DST: variants seen among roughly 807,000 people sequenced by gnomAD.
The protein encoded by DST is dystonin.
Under a neutral mutation model 875.2 loss-of-function variants are expected in DST, and 253 were observed. The observed-to-expected ratio is 0.29, with a 90% CI of 0.26 to 0.32. DST has a LOEUF of 0.32. Ranked by LOEUF, DST falls within the 10% of genes least tolerant of loss-of-function variation. The pLI, the probability that DST is intolerant of heterozygous loss-of-function variation, is 1.00. For synonymous variants in DST, 3,124 were observed against 3,197.1 expected (o/e 0.98, Z 0.77); for missense variants, 8,287 against 9,111.6 (o/e 0.91, Z 3.68).
chr6:56,500,470 T>C (rs1228188251), intron 80 of DST, among the ~76,000 whole-genome samples: 2 of 152,068 alleles, frequency 1.3e-5, no homozygotes, highest in East Asian at 3.9e-4. Context: ...GCAGGACATA[T>C]AACAACTTTT....
chr6:56,703,625 C>A, intron 7 of DST, 23 bp downstream of exon 7: 2 of 943,750 alleles, frequency 2.1e-6, no homozygotes, highest in South Asian at 9.8e-5. Flanking sequence ...CTAGGTTAGT[C>A]AAGTTATGGG....
chr6:56,818,357 G>A (rs112903247), intron 4 of DST, among the ~76,000 whole-genome samples: 2,703 of 152,256 alleles, frequency 0.018, 63 homozygotes, highest in African/African-American at 0.061. Context: ...GCCTCCTGGA[G>A]GCTCAGCAAA....
intron 47 of DST, among the ~76,000 whole-genome samples, chr6:56,596,660 C>T (rs1365348087): frequency 6.6e-6 from 1 of 152,100 alleles, no homozygotes; most frequent in African/African-American, 2.4e-5. Context: ...CTATAAGAAC[C>T]TCACAGGGAG....
chr6:56,845,614 C>T (rs1022294684), intron 4 of DST, among the ~76,000 whole-genome samples: 26 of 152,178 alleles, frequency 1.7e-4, no homozygotes, highest in Non-Finnish European at 3.8e-4. Context: ...TATGGGACAC[C>T]TTCTTGAAAT....
rs561146628 is a variant in DST, at chr6:56,825,411, T to C, written c.625+25986A>G. ...AGGAAAACCAGAGACCTTTGTTCAC[T>C]TGTTTATCTGCTGACCTTCCCTCCA... On this transcript the variant is annotated intron_variant, in intron 4 of 103. Transcript: ENST00000680361. Among the ~76,000 whole-genome samples, 4 of 150,572 alleles carry C rather than the reference T, an allele frequency of 2.7e-5. No individual in the cohort carries two copies. The South Asian group carries it at 8.5e-4, about 32-fold the overall frequency.
intron 55 of DST, among the ~76,000 whole-genome samples, chr6:56,564,993 C>T (rs77920812): frequency 6.6e-6 from 1 of 151,976 alleles, no homozygotes; most frequent in East Asian, 1.9e-4. Context: ...ATTTTTGCAT[C>T]GATGTTCATC....
chr6:56,622,850 C>A (rs552692646), intron 36 of DST, among the ~76,000 whole-genome samples: 1 of 152,148 alleles, frequency 6.6e-6, no homozygotes, highest in Non-Finnish European at 1.5e-5. Context: ...AGTAACATTT[C>A]TTTTAACTAA....
rs1304045587 is a variant in DST, at chr6:56,901,595, AAAAAT to A, written c.217-979_217-975del. Among the ~76,000 whole-genome samples, 98 of 152,224 alleles carry A rather than the reference AAAAAT, an allele frequency of 6.4e-4. 3 individuals are homozygous for A. Among genetic ancestry groups the A allele is most frequent in the Admixed American group, 4.1e-3 (62 of 15,298 alleles). ...AGGTGACAGAGTGAGACTCCATCTA[AAAAAT>A]AAAATAAAATAAGATAAAAAATATA... On this transcript the variant is annotated intron_variant, in intron 2 of 103. Transcript: ENST00000680361.
intron 4 of DST, among the ~76,000 whole-genome samples, chr6:56,831,788 GA>G (rs2099787383): frequency 6.6e-6 from 1 of 151,724 alleles, no homozygotes; most frequent in South Asian, 2.1e-4. Context: ...TTTTTCCAGG[GA>G]AAGACTGAGT....
At position 56,880,837 on chromosome 6, in the gene DST, CTTTTTTTTTTTTTTTT is replaced by C. The variant is rs765843469; in HGVS notation, c.417+19568_417+19583del. On this transcript the variant is annotated intron_variant, in intron 3 of 103. Transcript: ENST00000680361. ...CCTAGTAATATAAAATACTGTCTTT[CTTTTTTTTTTTTTTTT>C]TTTTTTTTTTTTGAGACAGAGTCTT... is the stretch of plus-strand genomic sequence containing the variant. 7.9e-3 allele frequency among the ~76,000 whole-genome samples: 459 copies of C among 58,180 alleles called. 2 individuals carry two copies. The highest frequency in any genetic ancestry group is 0.01 in the Non-Finnish European group (359 of 35,296). The allele number at this position is 58,180 out of a possible 152,430, so 38.2% of individuals were successfully genotyped here. A position where few individuals can be genotyped will look rare whatever the true frequency, so the allele number is the denominator to read the frequency against.
At chr6:56,871,075 C>T in intron 3 of DST, 1 of 496,574 alleles carries the variant, frequency 2.0e-6, no homozygotes. Flanking sequence ...AATGGACAGA[C>T]ATTTTGCAGA....
At position 56,646,095 on chromosome 6, in the gene DST, A is replaced by G; in HGVS notation, c.1642T>C (p.Leu548=). 2.6e-6 allele frequency: 4 copies of G among 1,549,466 alleles called. No homozygotes were observed. Among genetic ancestry groups the G allele is most frequent in the Non-Finnish European group, 3.5e-6 (4 of 1,141,860 alleles). ...AGCAAATTTGAGCTTACCTCTAATA[A>G]TTTATATAGACGTTTAATTTTTGAT... ...EKSKIKRLYK[L]LEIWIEFGRI... The change falls in exon 14 of 104, where the codon TTA becomes CTA. Residue 548 remains leucine (L), a synonymous_variant. Coordinates refer to ENST00000680361, the MANE Select transcript of DST (RefSeq NM_001374736.1).
chr6:56,743,245 A>G (rs2099554173), intron 4 of DST, among the ~76,000 whole-genome samples: 1 of 152,208 alleles, frequency 6.6e-6, no homozygotes, highest in South Asian at 2.1e-4. Flanking sequence ...TCCTGAATAG[A>G]AACTGTATAC....
rs2099686406 is a variant in DST at position 56,779,162 on chromosome 6, T to G, written c.626-43873A>C. Among the ~76,000 whole-genome samples the G allele has an allele frequency of 3.9e-5, 6 of 152,230 alleles. No individual in the cohort carries two copies. The East Asian group carries it at 5.8e-4, about 15-fold the overall frequency. On this transcript the variant is annotated intron_variant, in intron 4 of 103. Coordinates refer to ENST00000680361, the MANE Select transcript of DST (RefSeq NM_001374736.1). ...ATGATGAGCATTTTTTCATGTGTCT[T>G]TTGGCTGCATAAACGTCTTCTTTTG...
intron 2 of DST, among the ~76,000 whole-genome samples, chr6:56,937,326 GA>G (rs1049440000): frequency 6.0e-5 from 9 of 150,576 alleles, no homozygotes; most frequent in South Asian, 2.1e-4. Context: ...AATTCAATAA[GA>G]AAAAAAAATC....
chr6:56,566,843 A>T (rs2097688228), intron 55 of DST, among the ~76,000 whole-genome samples: 1 of 152,194 alleles, frequency 6.6e-6, no homozygotes. Flanking sequence ...AGGCAGAATA[A>T]TTTTTTTAAA....
intron 69 of DST, among the ~76,000 whole-genome samples, chr6:56,519,455 C>T (rs1359150028): frequency 1.3e-5 from 2 of 152,172 alleles, no homozygotes; most frequent in African/African-American, 4.8e-5. Context: ...CCAGAATTTT[C>T]ATCCCCAGAT....
intron 2 of DST, among the ~76,000 whole-genome samples, chr6:56,943,832 C>T (rs1250339392): frequency 2.6e-5 from 4 of 151,636 alleles, no homozygotes; most frequent in African/African-American, 4.8e-5. Flanking sequence ...AAATAAAATA[C>T]GGGGCCAGGC....
At chr6:56,790,809 C>T (rs2099720402) in intron 4 of DST, among the ~76,000 whole-genome samples, 1 of 152,112 alleles carries the variant, frequency 6.6e-6, no homozygotes, top group Admixed American at 6.6e-5. Flanking sequence ...CTAAAAGTGC[C>T]CAGTGATTAT....
Sources: gnomAD v4.1 joint callset for allele counts (sites outside exome capture counted in the v4.1 genomes callset) on GRCh38, gnomAD v4.1.1 for gene constraint, MANE v1.5 for transcripts, NCBI Gene and HGNC (gene_info 2026-07-23, HGNC 2026-07-21) for gene names.